BAIAP3: variants seen among roughly 807,000 people sequenced by gnomAD.
BAIAP3 encodes the protein BAI1 associated protein 3, also known as BAI1-associated protein 3.
Under a neutral mutation model 149.7 loss-of-function variants are expected in BAIAP3, and 180 were observed. The observed-to-expected ratio is 1.20, with a 90% CI of 1.07 to 1.36. The LOEUF (loss-of-function observed/expected upper bound fraction) is 1.36. Ranked by LOEUF, BAIAP3 falls within the 40% of genes most tolerant of loss-of-function variation. The pLI, the probability that BAIAP3 is intolerant of heterozygous loss-of-function variation, is 0.00. For synonymous variants in BAIAP3, 845 were observed against 670.7 expected, an observed-to-expected ratio of 1.26 and a Z score of -4.02; for missense variants, 1,767 against 1,563.4, an observed-to-expected ratio of 1.13 and a Z score of -2.20.
At chr16:1,336,030 G>A (rs2033429397) in intron 1 of BAIAP3, among the ~76,000 whole-genome samples, 1 of 152,102 alleles carries the variant, frequency 6.6e-6, no homozygotes, top group Non-Finnish European at 1.5e-5. Context: ...CCCTTTTTCT[G>A]CCTGGAACAT....
chr16:1,344,150 G>C lies in BAIAP3; in HGVS notation c.1511+4G>C, dbSNP rs757199990. On this transcript the variant is annotated splice_donor_region_variant and intron_variant, in intron 16 of 33. Coordinates refer to ENST00000426824, the MANE Select transcript of BAIAP3 (RefSeq NM_001199097.2). Reference sequence around the variant, plus strand: ...ACCGCCTGGAGCTGCTGCTGAAGTGGGTGCAGCGCCGCGTGTCAGCGTGGG... The same window carrying C: ...ACCGCCTGGAGCTGCTGCTGAAGTGCGTGCAGCGCCGCGTGTCAGCGTGGG... 1.2e-6 allele frequency: 2 copies of C among 1,611,868 alleles called. No homozygotes were observed. The highest frequency in any genetic ancestry group is 1.7e-6 in the Non-Finnish European group (2 of 1,179,664).
At position 1,339,675 on chromosome 16, in the gene BAIAP3, C is replaced by T; in HGVS notation, c.408+72C>T. 3 of 1,167,294 alleles carry T rather than the reference C, an allele frequency of 2.6e-6. No individual in the cohort carries two copies. The South Asian group carries it at 3.9e-5, about 15-fold the overall frequency. 72.3% of individuals were successfully genotyped at this position (1,167,294 alleles called of 1,614,324 possible). A position where few individuals can be genotyped will look rare whatever the true frequency, so the allele number is the denominator to read the frequency against. On this transcript the variant is annotated intron_variant, in intron 5 of 33. Coordinates refer to ENST00000426824, the MANE Select transcript of BAIAP3 (RefSeq NM_001199097.2). ...TCAACCCCTTCCCCACCCACTGACA[C>T]CATCATCACCCAAACAGTATGCAGA...
intron 1 of BAIAP3, among the ~76,000 whole-genome samples, 178 bp from the exon 2 acceptor site, chr16:1,338,362 G>A (rs1012720839): frequency 2.0e-5 from 3 of 152,156 alleles, no homozygotes; most frequent in South Asian, 2.1e-4. Flanking sequence ...CACCCAGCAG[G>A]TGTGGGGACA....
At position 1,337,444 on chromosome 16, in the gene BAIAP3, G is replaced by C. The variant is rs1269768109; in HGVS notation, c.-10-1096G>C. ...GAGGCAGGAGAATCGCTTGAACCTG[G>C]AAGGCGGAGGTTGCGGTGAGCGGAG... On this transcript the variant is annotated intron_variant, in intron 1 of 33. Coordinates refer to ENST00000426824, the MANE Select transcript of BAIAP3 (RefSeq NM_001199097.2). 2.6e-5 allele frequency among the ~76,000 whole-genome samples: 4 copies of C among 152,358 alleles called. No individual in the cohort carries two copies. The East Asian group carries it at 7.7e-4, about 29-fold the overall frequency.
chr16:1,338,734 C>T, intron 2 of BAIAP3, 54 bp downstream of exon 2: 3 of 1,561,226 alleles, frequency 1.9e-6, no homozygotes, highest in Non-Finnish European at 1.7e-6. Flanking sequence ...TCCCGCCAGA[C>T]TTCACACATG....
Position 1,345,841 on chromosome 16 carries a change from C to T in BAIAP3, c.2159C>T (p.Ala720Val), listed in dbSNP as rs372361431. 8 of 1,579,226 alleles carry T rather than the reference C, an allele frequency of 5.1e-6. No individual in the cohort carries two copies. The highest frequency in any genetic ancestry group is 4.6e-5 in the South Asian group (4 of 86,556). ...ATCCAGGAGTTGTGGGTGCGCCTGG[C>T]GTGGCCTGACCCTGCCCAGGCTCAG... ...SHIQELWVRL[A>V]WPDPAQAQGL... Residue 720 changes from alanine (A) to valine (V), a missense_variant, in exon 23 of 34, where the codon GCG becomes GTG. Physicochemically the swap from Ala to Val is moderately conservative, Grantham distance 64 (BLOSUM62 0). Transcript: ENST00000426824.
At chr16:1,334,679 A>T (rs775872270) in intron 1 of BAIAP3, 1 of 1,553,016 alleles carries the variant, frequency 6.4e-7, no homozygotes, top group Non-Finnish European at 8.7e-7. Flanking sequence ...CCCGGGGAGC[A>T]GCGTTTGCAG....
In BAIAP3 at chr16:1,347,958, C is replaced by T. The variant is rs1221643168; in HGVS notation, c.3090C>T (p.Ser1030=). ...CGCATCTCTTTCCACTGGTCCGCAG[C>T]CAGAGGACCCAGGTGAAGACCCGGA... ...GPPHLFPLVR[S]QRTQVKTRTL... is the part of the protein sequence containing the mutation. The change falls in exon 32 of 34, where the codon AGC becomes AGT. Residue 1030 remains serine, a synonymous_variant. Coordinates refer to ENST00000426824, the MANE Select transcript of BAIAP3 (RefSeq NM_001199097.2). 4 of 1,611,888 alleles carry T rather than the reference C, an allele frequency of 2.5e-6. No homozygotes were observed. Among genetic ancestry groups the T allele is most frequent in the Non-Finnish European group, 3.4e-6 (4 of 1,179,938 alleles).
Position 1,345,831 on chromosome 16 carries a change from G to A in BAIAP3, c.2149G>A (p.Val717Met). The A allele has an allele frequency of 1.3e-6, 2 of 1,580,092 alleles. No homozygotes were observed. Among genetic ancestry groups the A allele is most frequent in the Non-Finnish European group, 1.7e-6 (2 of 1,165,562 alleles). Residue 717 changes from valine to methionine, a missense_variant, in exon 23 of 34, where the codon GTG becomes ATG. By Grantham distance (21) the Val-to-Met change is conservative. Coordinates refer to ENST00000426824, the MANE Select transcript of BAIAP3 (RefSeq NM_001199097.2). ...CCTCAGCCACATCCAGGAGTTGTGG[G>A]TGCGCCTGGCGTGGCCTGACCCTGC... ...LCLSHIQELW[V>M]RLAWPDPAQA...
chr16:1,346,346 G>T lies in BAIAP3; in HGVS notation c.2478G>T (p.Ala826=). 2 of 1,606,348 alleles carry T rather than the reference G, an allele frequency of 1.2e-6. No homozygotes were observed. The highest frequency in any genetic ancestry group is 1.7e-6 in the Non-Finnish European group (2 of 1,174,792). ...DLQREAHTVT[A]HLTSKMVGDI... ...AACGGGAGGCCCACACGGTGACAGC[G>T]CACCTGACCTCTAAGGTGGGTGGGG... Residue 826 remains alanine, a synonymous_variant, in exon 25 of 34, where the codon GCG becomes GCT. Coordinates refer to ENST00000426824, the MANE Select transcript of BAIAP3 (RefSeq NM_001199097.2).
chr16:1,339,098 T>C (rs764306601), intron 3 of BAIAP3, 66 bp from the exon 4 acceptor site: 2 of 1,586,090 alleles, frequency 1.3e-6, no homozygotes, highest in African/African-American at 1.3e-5. Flanking sequence ...GCACCACCTG[T>C]CTTCCCTGCT....
At chr16:1,337,976 C>A (rs1317546918) in intron 1 of BAIAP3, among the ~76,000 whole-genome samples, 2 of 152,160 alleles carry the variant, frequency 1.3e-5, no homozygotes, top group Non-Finnish European at 1.5e-5. Flanking sequence ...CAGGCAGTCC[C>A]CTCCAGGGCC....
At position 1,345,956 on chromosome 16, in the gene BAIAP3, C is replaced by T. The variant is rs916464510; in HGVS notation, c.2209-30C>T. 8 of 1,590,432 alleles carry T rather than the reference C, an allele frequency of 5.0e-6. No individual in the cohort carries two copies. The African/African-American group carries it at 5.3e-5, about 11-fold the overall frequency. On this transcript the variant is annotated intron_variant, in intron 23 of 33. Transcript: ENST00000426824. ...GAGGAGATGGGGCAGGGGAGGGCTC[C>T]ATGGCTCCCCACCGCCATCCCCTCC...
chr16:1,339,300 C>G (rs1354079601), intron 4 of BAIAP3, 56 bp downstream of exon 4: 5 of 1,538,844 alleles, frequency 3.2e-6, no homozygotes, highest in African/African-American at 1.4e-5. Flanking sequence ...CTCCCTCAGC[C>G]GTTTAGAGGC....
intron 14 of BAIAP3, 119 bp downstream of exon 14, chr16:1,343,135 G>A: frequency 1.7e-6 from 2 of 1,142,914 alleles, no homozygotes; most frequent in South Asian, 2.9e-5. Flanking sequence ...GAAAGGGGCG[G>A]TGCTGAGTAG....
Position 1,347,709 on chromosome 16 carries a change from G to A in BAIAP3, c.2913G>A (p.Leu971=), listed in dbSNP as rs755382599. 6.2e-7 allele frequency: 1 copy of A among 1,610,950 alleles called. No individual in the cohort carries two copies. The highest frequency in any genetic ancestry group is 8.5e-7 in the Non-Finnish European group (1 of 1,178,478). The part of the protein sequence containing the change: ...FYLDKLKQRT[L]EQNRFGRLSV... ...CACCCGCCTTTCCGCAGAGGACCCT[G>A]GAGCAGAACCGGTTTGGACGCCTGA... The change falls in exon 31 of 34, where the codon CTG becomes CTA. Residue 971 remains leucine, a synonymous_variant. Transcript: ENST00000426824.
Position 1,349,139 on chromosome 16 carries a change from C to T in BAIAP3, c.*657C>T, listed in dbSNP as rs886114840. ...GTCAGCTGTCCTTCACGCACATATC[C>T]GTGGCCACCTGAGACCTGCTCCACG... is the stretch of plus-strand genomic sequence containing the variant. On this transcript the variant is annotated 3_prime_UTR_variant, in exon 34 of 34. Transcript: ENST00000426824. The T allele has an allele frequency of 6.7e-6, 3 of 450,294 alleles. No homozygotes were observed. The highest frequency in any genetic ancestry group is 4.0e-5 in the African/African-American group (2 of 50,340). The allele number at this position is 450,294 out of a possible 1,614,324, so 27.9% of individuals were successfully genotyped here. A position where few individuals can be genotyped will look rare whatever the true frequency, so the allele number is the denominator to read the frequency against.
intron 1 of BAIAP3, among the ~76,000 whole-genome samples, chr16:1,335,100 T>C (rs2033373265): frequency 6.6e-6 from 1 of 152,242 alleles, no homozygotes; most frequent in African/African-American, 2.4e-5. Context: ...CCAAATGGCC[T>C]GGCAGGAGAC....
Position 1,344,514 on chromosome 16 carries a change from C to G in BAIAP3, c.1648C>G (p.Pro550Ala). The change falls in exon 18 of 34, where the codon CCC becomes GCC. Residue 550 changes from proline to alanine, a missense_variant. Transcript: ENST00000426824. ...WYDRILNDKS[P>A]REQPGPQRLP... ...CGACAGGATCCTGAATGACAAGAGT[C>G]CCCGAGAGCAGGTGCAGTTGTGGGG... is the stretch of plus-strand genomic sequence containing the variant. 1 of 1,612,858 alleles carries G rather than the reference C, an allele frequency of 6.2e-7. No individual in the cohort carries two copies. Among genetic ancestry groups the G allele is most frequent in the Non-Finnish European group, 8.5e-7 (1 of 1,179,840 alleles).
Sources: allele counts gnomAD v4.1 joint callset (sites outside exome capture counted in the v4.1 genomes callset), GRCh38; gene constraint gnomAD v4.1.1; transcripts MANE v1.5; gene names NCBI Gene and HGNC (gene_info 2026-07-23, HGNC 2026-07-21).